The following RORA variants were observed in gnomAD, a reference collection of about 807,000 sequenced individuals.
The protein encoded by RORA is nuclear receptor ROR-alpha.
RORA carries 7 observed loss-of-function variants against 69.5 expected under a neutral mutation model. That is an observed-to-expected ratio of 0.10 (90% CI 0.06 to 0.19). The LOEUF (loss-of-function observed/expected upper bound fraction) is 0.19, where lower values mean the gene tolerates loss of function less well. Ranked by LOEUF, RORA falls within the 10% of genes least tolerant of loss-of-function variation. RORA has a pLI of 1.00. For synonymous variants in RORA, 261 were observed against 240.8 expected (o/e 1.08, Z -0.78); for missense variants, 457 against 663.0 (o/e 0.69, Z 3.41).
chr15:60,592,912 C>T (rs1023067803), intron 2 of RORA: 2 of 455,990 alleles, frequency 4.4e-6, no homozygotes, highest in Non-Finnish European at 8.8e-6. Context: ...CCCGACGCCA[C>T]TCTCCCGCTG....
rs548582110 is a variant in RORA at position 60,495,388 on chromosome 15, C to T, written c.*2067G>A. On this transcript the variant is annotated 3_prime_UTR_variant, in exon 11 of 11. Coordinates refer to ENST00000335670, the MANE Select transcript of RORA (RefSeq NM_134261.3). ...AGAAATTTAAAGGAATATTACTCTT[C>T]TATTTATGGTTAAACTCTTACTATG... The T allele has an allele frequency of 6.6e-6, 1 of 152,274 alleles. No individual in the cohort carries two copies. The highest frequency in any genetic ancestry group is 2.1e-4 in the South Asian group (1 of 4,818). 9.4% of individuals were successfully genotyped at this position (152,274 alleles called of 1,614,324 possible).
At chr15:61,095,948 G>A (rs1031457556) in intron 1 of RORA, among the ~76,000 whole-genome samples, 1 of 152,228 alleles carries the variant, frequency 6.6e-6, no homozygotes, top group Non-Finnish European at 1.5e-5. Flanking sequence ...GAAGGATCTG[G>A]ACTGCTACTT....
intron 2 of RORA, among the ~76,000 whole-genome samples, chr15:60,554,563 C>A (rs550028164): frequency 1.3e-5 from 2 of 152,254 alleles, no homozygotes; most frequent in South Asian, 4.1e-4. Context: ...AAAGCCAGCA[C>A]TGAACAATCA....
chr15:61,063,085 C>T (rs1024373590), intron 1 of RORA, among the ~76,000 whole-genome samples: 12 of 152,188 alleles, frequency 7.9e-5, no homozygotes, highest in Non-Finnish European at 1.6e-4. Context: ...ACCTGGAGAA[C>T]ACAACTGCAG....
intron 1 of RORA, among the ~76,000 whole-genome samples, chr15:61,163,129 C>G (rs537771391): frequency 6.6e-6 from 1 of 152,316 alleles, no homozygotes; most frequent in Non-Finnish European, 1.5e-5. Flanking sequence ...TTTAAACATT[C>G]TACTTGCTGT....
intron 1 of RORA, among the ~76,000 whole-genome samples, chr15:60,687,840 T>C (rs1195019489): frequency 6.6e-6 from 1 of 152,226 alleles, no homozygotes. Context: ...GTACAAGCTA[T>C]GTTCCCATAT....
intron 2 of RORA, among the ~76,000 whole-genome samples, chr15:60,645,945 C>G (rs577751494): frequency 6.6e-6 from 1 of 152,178 alleles, no homozygotes; most frequent in South Asian, 2.1e-4. Context: ...TGAAACAAAT[C>G]AGTAAAAAGC....
At chr15:60,999,678 A>G (rs1834914346) in intron 1 of RORA, among the ~76,000 whole-genome samples, 1 of 152,198 alleles carries the variant, frequency 6.6e-6, no homozygotes, top group African/African-American at 2.4e-5. Flanking sequence ...CTGGGGGCTC[A>G]GCCTTCACGA....
At chr15:60,921,661 T>G (rs1017049509) in intron 1 of RORA, among the ~76,000 whole-genome samples, 1 of 152,198 alleles carries the variant, frequency 6.6e-6, no homozygotes, top group Non-Finnish European at 1.5e-5. Context: ...TTTCTTTGTA[T>G]GTGTTATGCT....
At chr15:60,946,177 T>A (rs1023541769) in intron 1 of RORA, among the ~76,000 whole-genome samples, 1 of 152,180 alleles carries the variant, frequency 6.6e-6, no homozygotes, top group Non-Finnish European at 1.5e-5. Flanking sequence ...GAGTGTCCTA[T>A]GTCCCATGGG....
chr15:61,153,357 A>G (rs2140876076), intron 1 of RORA, among the ~76,000 whole-genome samples: 1 of 152,344 alleles, frequency 6.6e-6, no homozygotes, highest in East Asian at 1.9e-4. Context: ...ATTCTCCTCC[A>G]ACTCCAAAAC....
At chr15:60,802,218 A>T (rs2072592518) in intron 1 of RORA, among the ~76,000 whole-genome samples, 1 of 152,220 alleles carries the variant, frequency 6.6e-6, no homozygotes, top group African/African-American at 2.4e-5. Flanking sequence ...TCATGGGTCA[A>T]CCGTTACAAC....
At chr15:61,151,171 T>A (rs1369448998) in intron 1 of RORA, among the ~76,000 whole-genome samples, 1 of 152,182 alleles carries the variant, frequency 6.6e-6, no homozygotes, top group East Asian at 1.9e-4. Context: ...GTACATGAGA[T>A]GAAAGCTTTT....
At chr15:60,849,124 A>T (rs961563158) in intron 1 of RORA, 1 of 152,286 alleles carries the variant, frequency 6.6e-6, no homozygotes, top group Non-Finnish European at 1.5e-5. Flanking sequence ...CTTTGCTGCT[A>T]TCAGACTGTT....
At chr15:60,842,832 CG>C (rs2073216861) in intron 1 of RORA, among the ~76,000 whole-genome samples, 1 of 152,024 alleles carries the variant, frequency 6.6e-6, no homozygotes, top group African/African-American at 2.4e-5. Flanking sequence ...AGTAGAAGAT[CG>C]GGTGGATAAA....
At chr15:60,902,750 C>T (rs1371460503) in intron 1 of RORA, among the ~76,000 whole-genome samples, 1 of 152,162 alleles carries the variant, frequency 6.6e-6, no homozygotes, top group Non-Finnish European at 1.5e-5. Context: ...ATACTCCCAC[C>T]GTGGTTGAAC....
intron 2 of RORA, among the ~76,000 whole-genome samples, chr15:60,625,915 G>C (rs966784315): frequency 6.6e-6 from 1 of 152,164 alleles, no homozygotes; most frequent in Non-Finnish European, 1.5e-5. Context: ...TAATGCTAAT[G>C]GTGTATGAAA....
rs534339095 is a variant in RORA, at chr15:60,562,107, C to T, written c.197-30256G>A. On this transcript the variant is annotated intron_variant, in intron 2 of 10. Coordinates refer to ENST00000335670, the MANE Select transcript of RORA (RefSeq NM_134261.3). ...TACAGGCGCCTGCCACCACCACATC[C>T]GGCTAATTTTGTATTTTTAGTTTCA... is the stretch of plus-strand genomic sequence containing the variant. Among the ~76,000 whole-genome samples the T allele has an allele frequency of 9.9e-5, 15 of 152,004 alleles. 1 individual carries two copies. The highest frequency in any genetic ancestry group is 3.4e-3 in the Middle Eastern group (1 of 294).
chr15:61,095,670 G>C (rs891586177), intron 1 of RORA, among the ~76,000 whole-genome samples: 1 of 152,180 alleles, frequency 6.6e-6, no homozygotes, highest in South Asian at 2.1e-4. Context: ...AGAACCCTTT[G>C]CTTAAGCAAA....
Sources: allele counts gnomAD v4.1 joint callset (sites outside exome capture counted in the v4.1 genomes callset), GRCh38; gene constraint gnomAD v4.1.1; transcripts MANE v1.5; gene names NCBI Gene and HGNC (gene_info 2026-07-23, HGNC 2026-07-21).